The following KY variants were observed in gnomAD, a reference collection of about 807,000 sequenced individuals.
The protein encoded by KY is kyphoscoliosis peptidase.
A neutral mutation model predicts 76.1 loss-of-function variants in KY; 43 were observed. The observed-to-expected ratio is 0.57, with a 90% CI of 0.44 to 0.73. The LOEUF (loss-of-function observed/expected upper bound fraction) is 0.73. Among genes scored for constraint, KY ranks in the 30% least tolerant of loss-of-function variants. KY has a pLI of 0.00. For synonymous variants in KY, 277 were observed against 326.2 expected (o/e 0.85, Z 1.63); for missense variants, 722 against 828.9 (o/e 0.87, Z 1.58).
At chr3:134,604,547 T>G in intron 10 of KY, 73 bp from the exon 11 acceptor site, 1 of 1,341,944 alleles carries the variant, frequency 7.5e-7, no homozygotes, top group South Asian at 1.4e-5. Context: ...GTTTAACAAC[T>G]GTCTCCCTGG....
At chr3:134,609,163 C>T (rs934456070) in intron 9 of KY, among the ~76,000 whole-genome samples, 32 of 152,322 alleles carry the variant, frequency 2.1e-4, no homozygotes, top group African/African-American at 6.7e-4. Context: ...CTGTGGACCA[C>T]GCAGTGGGGT....
intron 1 of KY, among the ~76,000 whole-genome samples, chr3:134,648,200 C>T (rs1560149079): frequency 6.6e-6 from 1 of 152,208 alleles, no homozygotes; most frequent in East Asian, 1.9e-4. Context: ...TTCAGTGCTC[C>T]TTGGTGGCCG....
chr3:134,625,701 C>T (rs144418058), intron 5 of KY, among the ~76,000 whole-genome samples: 1 of 152,370 alleles, frequency 6.6e-6, no homozygotes, highest in African/African-American at 2.4e-5. Flanking sequence ...CCCAGACAGG[C>T]TTCCTCCTTT....
At chr3:134,631,171 G>A (rs1178661038) in intron 3 of KY, among the ~76,000 whole-genome samples, 1 of 152,170 alleles carries the variant, frequency 6.6e-6, no homozygotes, top group African/African-American at 2.4e-5. Context: ...AAAAATATTT[G>A]AGAAAATAAT....
intron 2 of KY, among the ~76,000 whole-genome samples, chr3:134,646,179 A>G (rs760039837): frequency 3.9e-5 from 6 of 152,130 alleles, no homozygotes; most frequent in Admixed American, 3.3e-4. Flanking sequence ...AAAATTCTCA[A>G]TAACCCATAG....
chr3:134,650,204 G>T (rs578078269), intron 1 of KY, among the ~76,000 whole-genome samples: 5 of 152,356 alleles, frequency 3.3e-5, no homozygotes, highest in Non-Finnish European at 7.3e-5. Flanking sequence ...CAGAAAGTGT[G>T]TAGGACAAGT....
At chr3:134,607,956 T>C in intron 10 of KY, 1 of 998,624 alleles carries the variant, frequency 1.0e-6, no homozygotes, top group Non-Finnish European at 1.2e-6. Context: ...GCCTCTCCTC[T>C]GCTGCCTAGA....
intron 4 of KY, among the ~76,000 whole-genome samples, chr3:134,628,809 G>C (rs2107897479): frequency 6.6e-6 from 1 of 152,244 alleles, no homozygotes; most frequent in South Asian, 2.1e-4. Context: ...ACTTGCCCAA[G>C]GTCACACAGC....
chr3:134,606,962 A>G, intron 10 of KY: 1 of 985,314 alleles, frequency 1.0e-6, no homozygotes, highest in South Asian at 4.7e-5. Flanking sequence ...CTCTCTTAAC[A>G]GAACTAGCTA....
intron 3 of KY, 92 bp downstream of exon 3, chr3:134,643,224 C>A: frequency 8.0e-7 from 1 of 1,256,670 alleles, no homozygotes; most frequent in South Asian, 1.3e-5. Context: ...TCCCCATAGT[C>A]TGAGCTCCAC....
At chr3:134,613,308 G>T (rs74601883) in intron 8 of KY, 2,127 of 152,992 alleles carry the variant, frequency 0.014, 24 homozygotes, top group Non-Finnish European at 0.02. Context: ...GTCCTAGGCC[G>T]TGTGCCCAGG....
At chr3:134,638,361 C>G (rs996284913) in intron 3 of KY, among the ~76,000 whole-genome samples, 2 of 152,224 alleles carry the variant, frequency 1.3e-5, no homozygotes, top group South Asian at 4.1e-4. Flanking sequence ...GAGTAAAATT[C>G]GCAGTCAGAT....
At chr3:134,604,596 A>G in intron 10 of KY, 122 bp from the exon 11 acceptor site, 1 of 814,798 alleles carries the variant, frequency 1.2e-6, no homozygotes, top group Non-Finnish European at 1.9e-6. Context: ...GTCTATTTCC[A>G]CGGTGTTAAT....
chr3:134,612,441 G>A (rs966142412), intron 8 of KY, among the ~76,000 whole-genome samples: 5 of 152,176 alleles, frequency 3.3e-5, no homozygotes, highest in Non-Finnish European at 7.3e-5. Context: ...AGAGCAGAAG[G>A]TGGTGGGGAG....
intron 10 of KY, among the ~76,000 whole-genome samples, chr3:134,604,707 G>A (rs1325864993): frequency 6.6e-6 from 1 of 152,180 alleles, no homozygotes; most frequent in Non-Finnish European, 1.5e-5. Flanking sequence ...CTCCCTTCAG[G>A]TGGTTTTCTT....
chr3:134,619,041 T>G, intron 8 of KY, 107 bp downstream of exon 8: 1 of 885,704 alleles, frequency 1.1e-6, no homozygotes. Context: ...GAGCAGAGTT[T>G]GTAAACTCAG....
In KY at chr3:134,626,653, G is replaced by C. The variant is rs1213884542; in HGVS notation, c.400+1103C>G. On this transcript the variant is annotated intron_variant, in intron 5 of 10. Coordinates refer to ENST00000423778, the MANE Select transcript of KY (RefSeq NM_178554.6). Reference sequence around the variant, plus strand: ...AGAGATGTGGGGAGAAGGTGGGGAGGGGTGTGTGTCACCTCTAGACCTGGC... The same window carrying C: ...AGAGATGTGGGGAGAAGGTGGGGAGCGGTGTGTGTCACCTCTAGACCTGGC... Among the ~76,000 whole-genome samples, 4 of 152,172 alleles carry C rather than the reference G, an allele frequency of 2.6e-5. No individual in the cohort carries two copies. In the South Asian group the frequency reaches 8.3e-4, roughly 32 times the overall value.
At chr3:134,627,841 A>G in intron 4 of KY, 23 bp from the exon 5 acceptor site, 1 of 1,592,890 alleles carries the variant, frequency 6.3e-7, no homozygotes, top group Non-Finnish European at 8.6e-7. Context: ...AAAGATCAGA[A>G]GTATAGATAC....
At chr3:134,640,674 C>T (rs1360553313) in intron 3 of KY, among the ~76,000 whole-genome samples, 2 of 152,190 alleles carry the variant, frequency 1.3e-5, no homozygotes, top group African/African-American at 4.8e-5. Flanking sequence ...ATGGCAGGTG[C>T]TGGCACCAAC....
Sources: allele counts gnomAD v4.1 joint callset (sites outside exome capture counted in the v4.1 genomes callset), GRCh38; gene constraint gnomAD v4.1.1; transcripts MANE v1.5; gene names NCBI Gene and HGNC (gene_info 2026-07-23, HGNC 2026-07-21).